Variants in SCTR observed in about 807,000 individuals in gnomAD.
The protein encoded by SCTR is secretin receptor.
SCTR carries 56 observed loss-of-function variants against 60.8 expected under a neutral mutation model. The ratio of observed to expected loss-of-function variants is 0.92; its 90% CI spans 0.74 to 1.15. SCTR has a LOEUF of 1.15. SCTR is among the 50% of genes most tolerant of loss of function. SCTR has a pLI of 0.00. For missense variants in SCTR, 562 were observed against 550.4 expected (o/e 1.02, Z -0.21); for synonymous variants, 202 against 217.0 (o/e 0.93, Z 0.61).
chr2:119,512,823 T>A (rs1678999542), intron 1 of SCTR, among the ~76,000 whole-genome samples: 1 of 152,236 alleles, frequency 6.6e-6, no homozygotes, highest in Non-Finnish European at 1.5e-5. Flanking sequence ...TTCTATAGCA[T>A]CCTTTTCTAG....
At position 119,464,238 on chromosome 2, in the gene SCTR, C is replaced by T. The variant is rs748166802; in HGVS notation, c.521G>A (p.Arg174His). 34 of 1,614,022 alleles carry T rather than the reference C, an allele frequency of 2.1e-5. No homozygotes were observed. The Admixed American group carries it at 2.2e-4, about 10-fold the overall frequency. ...LCAFRRLHCT[R>H]NYIHMHLFVS... ...GAACAGGTGCATGTGGATGTAGTTG[C>T]GAGTGCAGTGGAGCCTCCTGCAGGG... The change falls in exon 6 of 13, where the codon CGC (arginine) becomes CAC (histidine). Residue 174 changes from arginine (R) to histidine (H), a missense_variant. By Grantham distance (29) the Arg-to-His change is conservative (BLOSUM62 0). Coordinates refer to ENST00000019103, the MANE Select transcript of SCTR (RefSeq NM_002980.3).
intron 11 of SCTR, among the ~76,000 whole-genome samples, chr2:119,446,255 G>A (rs996547910): frequency 5.9e-5 from 9 of 152,044 alleles, no homozygotes; most frequent in African/African-American, 1.4e-4. Context: ...CCTCACATGC[G>A]ACTGCTCCTT....
chr2:119,497,621 AAGGCAGGC>A (rs3055005), intron 1 of SCTR, among the ~76,000 whole-genome samples: 4 of 151,782 alleles, frequency 2.6e-5, no homozygotes, highest in African/African-American at 7.3e-5. Context: ...GGAAGGCAGG[AAGGCAGGC>A]AGGCAGGCAG....
At chr2:119,503,424 G>A (rs1678622840) in intron 1 of SCTR, among the ~76,000 whole-genome samples, 2 of 152,048 alleles carry the variant, frequency 1.3e-5, no homozygotes. Context: ...TTAAAAATTA[G>A]CCTGGCATGG....
chr2:119,514,659 T>C (rs1160281619), intron 1 of SCTR, among the ~76,000 whole-genome samples: 1 of 152,156 alleles, frequency 6.6e-6, no homozygotes, highest in Non-Finnish European at 1.5e-5. Flanking sequence ...GTGGATCACC[T>C]GAGGTCGGGA....
intron 1 of SCTR, among the ~76,000 whole-genome samples, chr2:119,517,517 C>T (rs543347232): frequency 3.9e-4 from 60 of 152,210 alleles, no homozygotes; most frequent in African/African-American, 1.4e-3. Flanking sequence ...TGTGGCAAAT[C>T]GAAGGGCACT....
At chr2:119,441,150 G>A (rs1450806724) in intron 12 of SCTR, among the ~76,000 whole-genome samples, 1 of 152,164 alleles carries the variant, frequency 6.6e-6, no homozygotes, top group African/African-American at 2.4e-5. Flanking sequence ...GGCAGACTGA[G>A]GCCCAGAACA....
chr2:119,519,536 G>C (rs930131192), intron 1 of SCTR, among the ~76,000 whole-genome samples: 4 of 152,142 alleles, frequency 2.6e-5, no homozygotes, highest in African/African-American at 9.7e-5. Context: ...AAGCTCTGCG[G>C]TGGCTCACGC....
chr2:119,455,866 C>T (rs537122454), intron 7 of SCTR, among the ~76,000 whole-genome samples: 6 of 151,898 alleles, frequency 4.0e-5, no homozygotes, highest in South Asian at 2.1e-4. Flanking sequence ...AAAGGGACAC[C>T]GTATGCCAGG....
chr2:119,522,515 A>C (rs962171681), intron 1 of SCTR, among the ~76,000 whole-genome samples: 5 of 152,072 alleles, frequency 3.3e-5, no homozygotes, highest in African/African-American at 1.2e-4. Flanking sequence ...TTTTAAAATG[A>C]GGGATTGGGA....
rs878905662 is a variant in SCTR at position 119,484,342 on chromosome 2, A to G, written c.194-5424T>C. On this transcript the variant is annotated intron_variant, in intron 2 of 12. Coordinates refer to ENST00000019103, the MANE Select transcript of SCTR (RefSeq NM_002980.3). ...GCCACCAATTGTCTGGCTGGAGGGG[A>G]TGGGATGGAAGGCTGGGAAGTTTAA... 3.2e-3 allele frequency among the ~76,000 whole-genome samples: 486 copies of G among 152,110 alleles called. 5 individuals carry two copies. Among genetic ancestry groups the G allele is most frequent in the Admixed American group, 4.1e-3 (62 of 15,288 alleles).
intron 12 of SCTR, among the ~76,000 whole-genome samples, chr2:119,441,249 A>G (rs992248819): frequency 2.0e-5 from 3 of 152,244 alleles, no homozygotes; most frequent in Non-Finnish European, 4.4e-5. Flanking sequence ...TTTGCTGAAC[A>G]GATCAACATC....
intron 3 of SCTR, among the ~76,000 whole-genome samples, chr2:119,474,339 C>T (rs1224855349): frequency 6.6e-6 from 1 of 152,178 alleles, no homozygotes; most frequent in Non-Finnish European, 1.5e-5. Flanking sequence ...AAGAGGAGAG[C>T]ACTTCCCCAC....
At chr2:119,480,841 A>T (rs1490930826) in intron 2 of SCTR, 1 of 152,354 alleles carries the variant, frequency 6.6e-6, no homozygotes, top group Non-Finnish European at 1.5e-5. Context: ...GGCGAGCCGC[A>T]GTCAGCGCTC....
chr2:119,512,045 G>A (rs750424420), intron 1 of SCTR, among the ~76,000 whole-genome samples: 3 of 152,018 alleles, frequency 2.0e-5, no homozygotes, highest in Non-Finnish European at 4.4e-5. Flanking sequence ...TAGGTATTTT[G>A]AAATTTCTTG....
At chr2:119,477,703 G>A (rs942040158) in intron 3 of SCTR, among the ~76,000 whole-genome samples, 6 of 152,280 alleles carry the variant, frequency 3.9e-5, no homozygotes, top group East Asian at 3.9e-4. Flanking sequence ...CGCCCACCTC[G>A]GCCTCCCAAA....
chr2:119,474,345 C>T (rs919686774), intron 3 of SCTR, among the ~76,000 whole-genome samples: 1 of 152,210 alleles, frequency 6.6e-6, no homozygotes, highest in Non-Finnish European at 1.5e-5. Flanking sequence ...AGAGCACTTC[C>T]CCACTGGAGC....
At chr2:119,519,810 C>CAAAAAAAAAAAAAAA (rs71396064) in intron 1 of SCTR, among the ~76,000 whole-genome samples, 3 of 58,288 alleles carry the variant, frequency 5.1e-5, no homozygotes, top group Admixed American at 2.1e-4. Flanking sequence ...GACTCTGTCT[C>CAAAAAAAAAAAAAAA]AAAAAAAAAA....
At chr2:119,488,909 C>G (rs994688371) in intron 2 of SCTR, among the ~76,000 whole-genome samples, 5 of 152,198 alleles carry the variant, frequency 3.3e-5, no homozygotes, top group Non-Finnish European at 1.5e-5. Context: ...GGCACCGACT[C>G]CGGCTGACTC....
Sources: allele counts gnomAD v4.1 joint callset (sites outside exome capture counted in the v4.1 genomes callset), GRCh38; gene constraint gnomAD v4.1.1; transcripts MANE v1.5; gene names NCBI Gene and HGNC (gene_info 2026-07-23, HGNC 2026-07-21).